The following ERAP1 variants were observed in gnomAD, a reference collection of about 807,000 sequenced individuals.
ERAP1 encodes the protein endoplasmic reticulum aminopeptidase 1, also known as adipocyte-derived leucine aminopeptidase.
ERAP1 carries 86 observed loss-of-function variants against 103.7 expected under a neutral mutation model. The observed-to-expected ratio is 0.83, with a 90% CI of 0.70 to 0.99. The LOEUF (loss-of-function observed/expected upper bound fraction) is 0.99. ERAP1 is among the 50% of genes least tolerant of loss of function. ERAP1 has a pLI of 0.00. For synonymous variants in ERAP1, 398 were observed against 402.4 expected, an observed-to-expected ratio of 0.99 and a Z score of 0.13; for missense variants, 1,009 against 1,128.4, an observed-to-expected ratio of 0.89 and a Z score of 1.52.
At chr5:96,844,103 C>A in the ERAP1 span, among the ~76,000 whole-genome samples, 2 of 152,188 alleles carry the variant, frequency 1.3e-5, no homozygotes, top group Non-Finnish European at 2.9e-5. Flanking sequence ...ACCCTTCTTT[C>A]TCCCACTGCA....
At chr5:96,808,110 C>G (rs372816260), upstream of ERAP1, 39 of 985,712 alleles carry the variant, frequency 4.0e-5, no homozygotes, top group African/African-American at 6.0e-4. Flanking sequence ...TAAATGAGCG[C>G]TGCACGCCGG....
chr5:96,926,810 TTTTG>T, the ERAP1 span, among the ~76,000 whole-genome samples: 13 of 152,136 alleles, frequency 8.5e-5, no homozygotes, highest in East Asian at 1.2e-3. Flanking sequence ...CATCTACCAT[TTTTG>T]TTTGTTTGTT....
At chr5:96,843,118 G>A in the ERAP1 span, among the ~76,000 whole-genome samples, 1 of 152,184 alleles carries the variant, frequency 6.6e-6, no homozygotes, top group African/African-American at 2.4e-5. Flanking sequence ...AGGAAACAAT[G>A]AAGCAACAAG....
At chr5:96,831,161 G>T in the ERAP1 span, among the ~76,000 whole-genome samples, 10 of 152,304 alleles carry the variant, frequency 6.6e-5, no homozygotes, top group Admixed American at 5.9e-4. Flanking sequence ...ATGGTGGAAG[G>T]TAAAGGGGAA....
At chr5:96,923,101 G>A in the ERAP1 span, among the ~76,000 whole-genome samples, 1 of 152,014 alleles carries the variant, frequency 6.6e-6, no homozygotes, top group African/African-American at 2.4e-5. Context: ...AGCTTCCCAC[G>A]TAGTTGTGAC....
the ERAP1 span, among the ~76,000 whole-genome samples, chr5:96,930,603 A>G: frequency 6.6e-6 from 1 of 152,090 alleles, no homozygotes; most frequent in Non-Finnish European, 1.5e-5. Context: ...TAACTTTCCA[A>G]ATTTGTGAAC....
At chr5:96,883,743 C>T in the ERAP1 span, 1 of 1,565,036 alleles carries the variant, frequency 6.4e-7, no homozygotes, top group South Asian at 1.2e-5. Flanking sequence ...ATTCATTTCT[C>T]TTCTTGATTT....
the ERAP1 span, among the ~76,000 whole-genome samples, chr5:96,921,391 T>C: frequency 2.0e-5 from 3 of 152,244 alleles, no homozygotes; most frequent in African/African-American, 7.2e-5. Flanking sequence ...TAATCATTTA[T>C]TTTCTTATGT....
the ERAP1 span, among the ~76,000 whole-genome samples, chr5:96,929,469 T>TTCC: frequency 3.3e-5 from 2 of 59,786 alleles, no homozygotes; most frequent in African/African-American, 1.1e-4. Flanking sequence ...CCTTCCTTCC[T>TTCC]TTTTTTTCTT....
At chr5:96,900,311 C>G in the ERAP1 span, 7 of 1,395,894 alleles carry the variant, frequency 5.0e-6, no homozygotes, top group African/African-American at 5.7e-5. Context: ...AGAGCCCCCA[C>G]GATTTTCTCT....
the ERAP1 span, among the ~76,000 whole-genome samples, chr5:96,866,993 C>T: frequency 6.8e-6 from 1 of 147,248 alleles, no homozygotes; most frequent in South Asian, 2.2e-4. Flanking sequence ...CCCTTTTTCC[C>T]TGCTTTACCT....
the ERAP1 span, among the ~76,000 whole-genome samples, chr5:96,899,220 T>C: frequency 9.1e-6 from 1 of 109,632 alleles, no homozygotes; most frequent in South Asian, 3.8e-4. Context: ...AAATCAGTAC[T>C]TAAAATTTGT....
chr5:96,781,566 C>T (rs1775174006), intron 16 of ERAP1, 127 bp downstream of exon 16: 2 of 1,225,080 alleles, frequency 1.6e-6, no homozygotes, highest in Non-Finnish European at 1.2e-6. Context: ...TAGATGTGTG[C>T]TGACTTGCAG....
At chr5:96,801,040 C>CA (rs1383485192) in intron 2 of ERAP1, 40 bp from the exon 3 acceptor site, 1 of 1,610,360 alleles carries the variant, frequency 6.2e-7, no homozygotes, top group Admixed American at 1.7e-5. Flanking sequence ...GAGCATGAAG[C>CA]ACCAGGAACT....
the ERAP1 span, among the ~76,000 whole-genome samples, chr5:96,829,053 G>A: frequency 6.4e-4 from 97 of 152,194 alleles, no homozygotes; most frequent in Middle Eastern, 6.8e-3. Context: ...TCACCATGTT[G>A]GCCAGGATGG....
At chr5:96,925,239 T>C in the ERAP1 span, among the ~76,000 whole-genome samples, 1 of 152,236 alleles carries the variant, frequency 6.6e-6, no homozygotes, top group Non-Finnish European at 1.5e-5. Flanking sequence ...TTTGTGCCAG[T>C]CTCTGTTCTA....
the ERAP1 span, chr5:96,913,295 C>G: frequency 6.2e-7 from 1 of 1,603,280 alleles, no homozygotes; most frequent in Non-Finnish European, 8.5e-7. Flanking sequence ...TATTTAGAAA[C>G]AAATTATTTT....
chr5:96,771,771 AGAAGT>A, downstream of ERAP1: 1 of 939,678 alleles, frequency 1.1e-6, no homozygotes, highest in East Asian at 2.4e-5. Context: ...TATAGATGAG[AGAAGT>A]GAAGTCCACC....
At chr5:96,801,449 C>T (rs536110808) in intron 2 of ERAP1, among the ~76,000 whole-genome samples, 39 of 147,296 alleles carry the variant, frequency 2.6e-4, no homozygotes, top group Non-Finnish European at 3.3e-4. Context: ...CAGAACCAGA[C>T]CCTGTCTCGG....
Sources: gnomAD v4.1 joint callset for allele counts (sites outside exome capture counted in the v4.1 genomes callset) on GRCh38, gnomAD v4.1.1 for gene constraint, MANE v1.5 for transcripts, NCBI Gene and HGNC (gene_info 2026-07-23, HGNC 2026-07-21) for gene names.